The following HECW1 variants were observed in gnomAD, a reference collection of about 807,000 sequenced individuals.
HECW1 encodes E3 ubiquitin-protein ligase HECW1.
Under a neutral mutation model 182.3 loss-of-function variants are expected in HECW1, and 61 were observed. The ratio of observed to expected loss-of-function variants is 0.33; its 90% CI spans 0.27 to 0.41. HECW1 has a LOEUF of 0.41. Among genes scored for constraint, HECW1 ranks in the 10% least tolerant of loss-of-function variants. HECW1 has a pLI of 1.00. For synonymous variants in HECW1, 859 were observed against 832.6 expected, an observed-to-expected ratio of 1.03 and a Z score of -0.55; for missense variants, 1,739 against 2,108.9, an observed-to-expected ratio of 0.82 and a Z score of 3.44.
At chr7:43,261,239 A>G (rs141859556) in intron 3 of HECW1, among the ~76,000 whole-genome samples, 1 of 152,294 alleles carries the variant, frequency 6.6e-6, no homozygotes, top group East Asian at 1.9e-4. Context: ...TGGCATAGGA[A>G]AAGTAGTTTG....
chr7:43,297,810 G>T (rs746422589), intron 3 of HECW1, among the ~76,000 whole-genome samples: 1 of 152,190 alleles, frequency 6.6e-6, no homozygotes, highest in African/African-American at 2.4e-5. Context: ...GGTGGCTCAC[G>T]CCTATACTCC....
intron 3 of HECW1, among the ~76,000 whole-genome samples, chr7:43,291,051 G>A (rs1400617777): frequency 2.0e-5 from 3 of 152,180 alleles, no homozygotes; most frequent in Non-Finnish European, 4.4e-5. Context: ...TCTGCAGGGG[G>A]GAAAAATAGT....
At chr7:43,217,224 T>C (rs1171710491) in intron 2 of HECW1, among the ~76,000 whole-genome samples, 1 of 152,226 alleles carries the variant, frequency 6.6e-6, no homozygotes, top group Non-Finnish European at 1.5e-5. Context: ...TCACTTACCT[T>C]TCTCATCTCT....
At chr7:43,445,659 A>G (rs1199765382) in intron 11 of HECW1, 89 bp downstream of exon 11, 3 of 1,434,806 alleles carry the variant, frequency 2.1e-6, no homozygotes, top group East Asian at 2.5e-5. Flanking sequence ...AGGGCGGGGG[A>G]TCGGTGTCAA....
At chr7:43,135,127 C>CT (rs919685322) in intron 2 of HECW1, among the ~76,000 whole-genome samples, 25 of 152,098 alleles carry the variant, frequency 1.6e-4, no homozygotes, top group Non-Finnish European at 3.1e-4. Flanking sequence ...TCTTCCCTCT[C>CT]TTTTTTCACT....
At chr7:43,209,570 G>T (rs1795814804) in intron 2 of HECW1, among the ~76,000 whole-genome samples, 1 of 152,166 alleles carries the variant, frequency 6.6e-6, no homozygotes, top group African/African-American at 2.4e-5. Context: ...GCAAGAAAGA[G>T]CCTCCTTGCC....
chr7:43,444,731 G>T lies in HECW1; in HGVS notation c.1559G>T (p.Gly520Val). 3 of 1,612,888 alleles carry T rather than the reference G, an allele frequency of 1.9e-6. No individual in the cohort carries two copies. Among genetic ancestry groups the T allele is most frequent in the Non-Finnish European group, 2.5e-6 (3 of 1,179,450 alleles). Residue 520 changes from glycine (G) to valine (V), a missense_variant, in exon 11 of 30, where the codon GGC becomes GTC. Physicochemically the swap from Gly to Val is moderately radical, Grantham distance 109. Transcript: ENST00000395891. This position sits in a 1 kb window ranked among gnomAD's most constrained non-coding sequence, Gnocchi z 4.3. ...GDVSTLEQGE[G>V]RLQLRASVKR... ...GTGTCTACCCTGGAGCAGGGAGAGGGCAGGCTGCAGCTGCGGGCCTCGGTG... is the reference window on the plus strand; with the variant it reads ...GTGTCTACCCTGGAGCAGGGAGAGGTCAGGCTGCAGCTGCGGGCCTCGGTG...
chr7:43,356,167 T>G (rs1159826608), intron 5 of HECW1, among the ~76,000 whole-genome samples: 1 of 152,026 alleles, frequency 6.6e-6, no homozygotes, highest in Non-Finnish European at 1.5e-5. Flanking sequence ...AGAAACCCAC[T>G]TCAGCTATAA....
intron 2 of HECW1, among the ~76,000 whole-genome samples, chr7:43,163,681 A>G (rs555302658): frequency 1.3e-5 from 2 of 152,276 alleles, no homozygotes; most frequent in South Asian, 4.1e-4. Context: ...AGGTTCGATC[A>G]ACTAAGCTCC....
intron 17 of HECW1, among the ~76,000 whole-genome samples, chr7:43,485,295 G>A (rs896282427): frequency 6.6e-6 from 1 of 152,198 alleles, no homozygotes. Context: ...GCTTGCTTTT[G>A]GGGAGAGTAA....
intron 2 of HECW1, among the ~76,000 whole-genome samples, chr7:43,138,443 G>C (rs1209088428): frequency 6.6e-6 from 1 of 152,180 alleles, no homozygotes; most frequent in Non-Finnish European, 1.5e-5. Flanking sequence ...GAACCACCGG[G>C]TGGTTTTCTT....
chr7:43,260,374 C>T (rs775594343), intron 3 of HECW1, among the ~76,000 whole-genome samples: 2 of 151,914 alleles, frequency 1.3e-5, no homozygotes, highest in Admixed American at 6.6e-5. Flanking sequence ...AAACACTTCA[C>T]GTGGAAAGAC....
intron 17 of HECW1, among the ~76,000 whole-genome samples, chr7:43,488,398 GGAAATGAAA>G (rs2078756172): frequency 1.2e-5 from 1 of 83,874 alleles, no homozygotes; most frequent in African/African-American, 5.1e-5. Flanking sequence ...AAGGAAGGAA[GGAAATGAAA>G]GAAAGAGAGA....
chr7:43,495,324 C>T (rs143624956), intron 19 of HECW1, among the ~76,000 whole-genome samples: 8 of 152,162 alleles, frequency 5.3e-5, no homozygotes, highest in African/African-American at 1.9e-4. Flanking sequence ...CATGTGTTCT[C>T]GTTGTTCAGT....
chr7:43,228,409 A>G (rs1797614903), intron 2 of HECW1, among the ~76,000 whole-genome samples: 1 of 152,212 alleles, frequency 6.6e-6, no homozygotes, highest in South Asian at 2.1e-4. Context: ...GCTTGAGTAG[A>G]TAAGGCTTTA....
At chr7:43,300,802 CCTT>C (rs1210969525) in intron 3 of HECW1, among the ~76,000 whole-genome samples, 4 of 152,122 alleles carry the variant, frequency 2.6e-5, no homozygotes, top group African/African-American at 9.7e-5. Context: ...CAACATGGGG[CCTT>C]CTTCTGGCTT....
At chr7:43,153,449 C>G (rs1789559965) in intron 2 of HECW1, among the ~76,000 whole-genome samples, 1 of 152,116 alleles carries the variant, frequency 6.6e-6, no homozygotes, top group South Asian at 2.1e-4. Context: ...TACATTCAAC[C>G]CGTACATTAT....
chr7:43,549,247 A>C (rs549843332), intron 26 of HECW1, among the ~76,000 whole-genome samples: 3 of 152,374 alleles, frequency 2.0e-5, no homozygotes, highest in African/African-American at 4.8e-5. Context: ...GCCGCTAAAA[A>C]TCAGACATTC....
rs1325984618 is a variant in HECW1 at position 43,407,698 on chromosome 7, A to T, written c.768A>T (p.Ile256=). Residue 256 remains isoleucine, a synonymous_variant, in exon 8 of 30, where the codon ATA becomes ATT. Coordinates refer to ENST00000395891, the MANE Select transcript of HECW1 (RefSeq NM_015052.5). ...GACAGGAGAGGAGATCCAAGATCAT[A>T]GGCAACACCGTGAACCCCATCTGGC... ...HHGQERRSKI[I]GNTVNPIWQA... is the part of the protein sequence containing the mutation. The T allele has an allele frequency of 1.9e-6, 3 of 1,613,690 alleles. No individual in the cohort carries two copies. The African/African-American group carries it at 4.0e-5, about 22-fold the overall frequency.
Sources: gnomAD v4.1 joint callset for allele counts (sites outside exome capture counted in the v4.1 genomes callset) on GRCh38, gnomAD v4.1.1 for gene constraint, Gnocchi (gnomAD v3.1) non-coding constraint, MANE v1.5 for transcripts, NCBI Gene and HGNC (gene_info 2026-07-23, HGNC 2026-07-21) for gene names.